CCDC91: variants seen among roughly 807,000 people sequenced by gnomAD.
CCDC91 encodes the protein coiled-coil domain containing 91.
Under a neutral mutation model 63.2 loss-of-function variants are expected in CCDC91, and 48 were observed. The ratio of observed to expected loss-of-function variants is 0.76; its 90% CI spans 0.60 to 0.97. CCDC91 has a LOEUF of 0.97. Among genes scored for constraint, CCDC91 ranks in the 50% least tolerant of loss-of-function variants. The pLI is 0.00. For missense variants in CCDC91, 500 were observed against 494.6 expected (o/e 1.01, Z -0.10); for synonymous variants, 167 against 165.8 (o/e 1.01, Z -0.06).
At position 28,550,084 on chromosome 12, in the gene CCDC91, T is replaced by A. The variant is rs1385489456; in HGVS notation, c.*911T>A. 1 of 152,542 alleles carries A rather than the reference T, an allele frequency of 6.6e-6. No homozygotes were observed. Among genetic ancestry groups the A allele is most frequent in the Non-Finnish European group, 1.5e-5 (1 of 67,998 alleles). The allele number at this position is 152,542 out of a possible 1,614,324, so 9.4% of individuals were successfully genotyped here. The stretch of plus-strand genomic sequence containing the variant: ...TATGTATGTATGCAAATGTTTTATC[T>A]TATTTTCTGAAATGCATCTACTTTC... On this transcript the variant is annotated 3_prime_UTR_variant, in exon 13 of 13. Coordinates refer to ENST00000536442, the MANE Select transcript of CCDC91 (RefSeq NM_018318.5).
intron 6 of CCDC91, among the ~76,000 whole-genome samples, chr12:28,320,554 G>A: frequency 6.6e-6 from 1 of 151,866 alleles, no homozygotes; most frequent in East Asian, 1.9e-4. Flanking sequence ...TCTGAGGTCA[G>A]ACTTTGACCT....
chr12:28,527,007 C>G (rs1256781168), intron 12 of CCDC91, among the ~76,000 whole-genome samples: 2 of 151,986 alleles, frequency 1.3e-5, no homozygotes, highest in Non-Finnish European at 2.9e-5. Flanking sequence ...TCTCCTTTCA[C>G]TTCTTGTATT....
chr12:28,480,919 G>A (rs1328006093), intron 11 of CCDC91, among the ~76,000 whole-genome samples: 1 of 151,960 alleles, frequency 6.6e-6, no homozygotes, highest in African/African-American at 2.4e-5. Flanking sequence ...GAAATGTATA[G>A]TAGATTTAAT....
intron 12 of CCDC91, among the ~76,000 whole-genome samples, chr12:28,510,237 A>ATGTGTG (rs60548491): frequency 1.3e-4 from 19 of 149,140 alleles, no homozygotes; most frequent in Admixed American, 3.3e-4. Flanking sequence ...TCAATAGGGC[A>ATGTGTG]TGTGTGTGTG....
chr12:28,539,052 T>C (rs1280904927), intron 12 of CCDC91, among the ~76,000 whole-genome samples: 1 of 152,196 alleles, frequency 6.6e-6, no homozygotes, highest in Non-Finnish European at 1.5e-5. Flanking sequence ...TCCCATTCTG[T>C]AGGTTGCCTG....
intron 1 of CCDC91, among the ~76,000 whole-genome samples, chr12:28,204,290 A>G (rs1047956691): frequency 2.0e-5 from 3 of 152,162 alleles, no homozygotes; most frequent in Non-Finnish European, 4.4e-5. Flanking sequence ...TATTTAATTT[A>G]TATCACTTTT....
At chr12:28,227,216 G>A (rs943645953) in intron 1 of CCDC91, among the ~76,000 whole-genome samples, 1 of 152,048 alleles carries the variant, frequency 6.6e-6, no homozygotes, top group Non-Finnish European at 1.5e-5. Context: ...CTCTTATTCT[G>A]TATTGTACTC....
chr12:28,394,936 C>T (rs1435584875), intron 8 of CCDC91, among the ~76,000 whole-genome samples: 1 of 152,068 alleles, frequency 6.6e-6, no homozygotes, highest in Non-Finnish European at 1.5e-5. Context: ...TATTATATGA[C>T]ATCAGATGTG....
At chr12:28,276,862 A>AT (rs1236767094) in intron 3 of CCDC91, among the ~76,000 whole-genome samples, 1 of 151,990 alleles carries the variant, frequency 6.6e-6, no homozygotes, top group African/African-American at 2.4e-5. Flanking sequence ...GTTGAAAATT[A>AT]TATGTATATT....
chr12:28,502,991 C>T (rs1418178523), intron 12 of CCDC91, among the ~76,000 whole-genome samples: 2 of 151,834 alleles, frequency 1.3e-5, no homozygotes, highest in Non-Finnish European at 2.9e-5. Context: ...TAGAAGAAAA[C>T]CTAGGCAATA....
chr12:28,319,657 A>G (rs1204457656), intron 6 of CCDC91, among the ~76,000 whole-genome samples: 1 of 151,806 alleles, frequency 6.6e-6, no homozygotes, highest in Non-Finnish European at 1.5e-5. Context: ...ATACAATGTG[A>G]ATGCTATGTA....
intron 1 of CCDC91, among the ~76,000 whole-genome samples, chr12:28,203,390 A>G (rs7957059): frequency 0.26 from 39,513 of 151,904 alleles, 5,356 homozygotes; most frequent in Non-Finnish European, 0.31. Flanking sequence ...GTAGTATTTT[A>G]ATAGCCCAAG....
At chr12:28,360,820 T>A (rs576850606) in intron 6 of CCDC91, among the ~76,000 whole-genome samples, 1 of 152,248 alleles carries the variant, frequency 6.6e-6, no homozygotes, top group African/African-American at 2.4e-5. Flanking sequence ...TCTGTTAATT[T>A]TTTCTTAAAT....
At chr12:28,521,945 C>T (rs1940722216) in intron 12 of CCDC91, among the ~76,000 whole-genome samples, 2 of 152,074 alleles carry the variant, frequency 1.3e-5, no homozygotes, top group African/African-American at 4.8e-5. Flanking sequence ...GGTGGATAAG[C>T]TTTTTGATGT....
intron 1 of CCDC91, among the ~76,000 whole-genome samples, chr12:28,253,693 A>C (rs1332299884): frequency 6.6e-6 from 1 of 152,202 alleles, no homozygotes; most frequent in Non-Finnish European, 1.5e-5. Flanking sequence ...ATTTTTATGC[A>C]GAAGCCAATA....
chr12:28,315,466 T>C (rs939513788), intron 6 of CCDC91, among the ~76,000 whole-genome samples: 3 of 151,904 alleles, frequency 2.0e-5, no homozygotes, highest in Non-Finnish European at 2.9e-5. Context: ...TACCTGACCT[T>C]GTATATTCTT....
At chr12:28,231,775 C>T (rs1944615859) in intron 1 of CCDC91, among the ~76,000 whole-genome samples, 1 of 152,042 alleles carries the variant, frequency 6.6e-6, no homozygotes, top group Non-Finnish European at 1.5e-5. Context: ...TTTCAGTTCA[C>T]TTTATTCTTG....
chr12:28,338,076 A>G (rs1275479519), intron 6 of CCDC91, among the ~76,000 whole-genome samples: 1 of 152,178 alleles, frequency 6.6e-6, no homozygotes, highest in Non-Finnish European at 1.5e-5. Context: ...GACATAGAGC[A>G]AATAGATGAA....
At chr12:28,244,435 G>A (rs961708326) in intron 1 of CCDC91, among the ~76,000 whole-genome samples, 24 of 140,394 alleles carry the variant, frequency 1.7e-4, no homozygotes, top group Admixed American at 4.3e-4. Context: ...GCACAAAACA[G>A]CTGTTTTATT....
Sources: gnomAD v4.1 joint callset for allele counts (sites outside exome capture counted in the v4.1 genomes callset) on GRCh38, gnomAD v4.1.1 for gene constraint, MANE v1.5 for transcripts, NCBI Gene and HGNC (gene_info 2026-07-23, HGNC 2026-07-21) for gene names.